The following RPS6KA2 variants were observed in gnomAD, a reference collection of about 807,000 sequenced individuals.
The protein encoded by RPS6KA2 is ribosomal protein S6 kinase alpha-2.
In RPS6KA2, 42 loss-of-function variants were observed where a neutral mutation model predicts 91.8. The observed-to-expected ratio is 0.46, with a 90% CI of 0.36 to 0.59. The LOEUF is 0.59. Ranked by LOEUF, RPS6KA2 falls within the 20% of genes least tolerant of loss-of-function variation. RPS6KA2 has a pLI of 0.00. For missense variants in RPS6KA2, 798 were observed against 978.5 expected (o/e 0.82, Z 2.46); for synonymous variants, 414 against 393.6 (o/e 1.05, Z -0.61).
chr6:166,507,278 C>A (rs1562542408), intron 5 of RPS6KA2, among the ~76,000 whole-genome samples: 2 of 152,086 alleles, frequency 1.3e-5, no homozygotes, highest in South Asian at 4.1e-4. Flanking sequence ...CCCAGAGCTG[C>A]AGGGGCGCTG....
chr6:166,419,808 G>T lies in RPS6KA2; in HGVS notation c.1820+74C>A. 1 of 1,368,896 alleles carries T rather than the reference G, an allele frequency of 7.3e-7. No individual in the cohort carries two copies. Among genetic ancestry groups the T allele is most frequent in the South Asian group, 1.2e-5 (1 of 85,556 alleles). 84.8% of individuals were successfully genotyped at this position (1,368,896 alleles called of 1,614,324 possible). On this transcript the variant is annotated intron_variant, in intron 18 of 20. Transcript: ENST00000265678. The surrounding 1 kb of genome is among the most constrained non-coding windows in gnomAD (Gnocchi z 5.6). The stretch of plus-strand genomic sequence containing the variant: ...GCACACTAGGACAGGGCTGGCCCTG[G>T]TCCCCTGACAGATCAGCCACTGAGG...
chr6:166,755,447 G>A (rs1401497475), intron 2 of RPS6KA2, among the ~76,000 whole-genome samples: 1 of 152,154 alleles, frequency 6.6e-6, no homozygotes, highest in East Asian at 1.9e-4. Context: ...AGAAAGAGAT[G>A]TGTTTACCTA....
intron 2 of RPS6KA2, among the ~76,000 whole-genome samples, chr6:166,742,519 G>T (rs1160124313): frequency 6.6e-6 from 1 of 152,132 alleles, no homozygotes; most frequent in Non-Finnish European, 1.5e-5. Flanking sequence ...TTTCCCTTCT[G>T]CCTCCTCCTG....
At chr6:166,588,511 G>A (rs1056969209) in intron 1 of RPS6KA2, among the ~76,000 whole-genome samples, 7 of 152,136 alleles carry the variant, frequency 4.6e-5, no homozygotes, top group Non-Finnish European at 7.3e-5. Flanking sequence ...GGGACCCTGC[G>A]CTGGGAACTT....
At chr6:166,470,027 G>C (rs1321639100) in intron 10 of RPS6KA2, 122 bp from the exon 11 acceptor site, 1 of 862,114 alleles carries the variant, frequency 1.2e-6, no homozygotes, top group Non-Finnish European at 1.9e-6. Context: ...GGAGCCCAGA[G>C]GCTGCTCACT....
chr6:166,593,105 G>A (rs951141904), intron 1 of RPS6KA2, among the ~76,000 whole-genome samples: 10 of 152,174 alleles, frequency 6.6e-5, no homozygotes, highest in South Asian at 2.1e-4. Context: ...GAAGCTTTCC[G>A]ATGCAGTGTG....
chr6:166,689,581 G>A (rs7745160), intron 2 of RPS6KA2, among the ~76,000 whole-genome samples: 3,326 of 152,282 alleles, frequency 0.022, 122 homozygotes, highest in African/African-American at 0.074. Context: ...GTAGGTGTTG[G>A]GCTCTGCTGG....
chr6:166,514,340 C>T (rs1782567329), intron 3 of RPS6KA2, among the ~76,000 whole-genome samples: 1 of 152,214 alleles, frequency 6.6e-6, no homozygotes, highest in Non-Finnish European at 1.5e-5. Flanking sequence ...AAGGGGCCAC[C>T]AGAGGGTGAC....
chr6:166,587,329 C>G (rs909633975), intron 1 of RPS6KA2, among the ~76,000 whole-genome samples: 1 of 152,162 alleles, frequency 6.6e-6, no homozygotes, highest in African/African-American at 2.4e-5. Context: ...TTCGTATCTG[C>G]TTTTCATAAG....
chr6:166,736,320 C>G lies in RPS6KA2; in HGVS notation c.123+121880G>C, dbSNP rs149162087. 2.6e-3 allele frequency among the ~76,000 whole-genome samples: 389 copies of G among 152,304 alleles called. 3 individuals are homozygous for G. Among genetic ancestry groups the G allele is most frequent in the African/African-American group, 9.0e-3 (375 of 41,562 alleles). On this transcript the variant is annotated intron_variant, in intron 2 of 21. Coordinates refer to the RPS6KA2 transcript ENST00000503859. ...GCAGTGATCTCCACTGAGATTTTCTCAAGAGTCCCGTGGCATCATTCTGTA... is the reference window on the plus strand; with the variant it reads ...GCAGTGATCTCCACTGAGATTTTCTGAAGAGTCCCGTGGCATCATTCTGTA...
chr6:166,416,975 C>T (rs1053478363), intron 19 of RPS6KA2, among the ~76,000 whole-genome samples: 3 of 152,248 alleles, frequency 2.0e-5, no homozygotes, highest in Non-Finnish European at 2.9e-5. Context: ...GAATTGGAAT[C>T]AGAGCCCCTG....
Position 166,772,057 on chromosome 6 carries a change from CAAG to C in RPS6KA2, c.123+86140_123+86142del, listed in dbSNP as rs370646307. Among the ~76,000 whole-genome samples, 777 of 152,296 alleles carry C rather than the reference CAAG, an allele frequency of 5.1e-3. 8 individuals are homozygous for C. Among genetic ancestry groups the C allele is most frequent in the African/African-American group, 0.018 (741 of 41,536 alleles). The stretch of plus-strand genomic sequence containing the variant: ...CAACTGGACGGTAATTAATAACTGG[CAAG>C]AATACAGTTGCTAATGCTGACTTTA... On this transcript the variant is annotated intron_variant, in intron 2 of 21. Transcript: ENST00000503859.
At chr6:166,707,587 G>A (rs1789718299) in intron 2 of RPS6KA2, among the ~76,000 whole-genome samples, 1 of 152,110 alleles carries the variant, frequency 6.6e-6, no homozygotes, top group African/African-American at 2.4e-5. Flanking sequence ...CAGAATCAAG[G>A]CCCAGGGTCA....
intron 15 of RPS6KA2, 33 bp from the exon 16 acceptor site, chr6:166,430,644 A>C (rs771715112): frequency 1.9e-6 from 3 of 1,587,008 alleles, no homozygotes; most frequent in South Asian, 2.3e-5. Context: ...ACACGTCACC[A>C]CGGCTGGTTG....
chr6:166,455,301 G>A (rs1331364322), intron 12 of RPS6KA2, among the ~76,000 whole-genome samples: 1 of 152,156 alleles, frequency 6.6e-6, no homozygotes, highest in Non-Finnish European at 1.5e-5. Context: ...CCGAAGCCCA[G>A]GAGCCGGGCC....
At chr6:166,623,381 A>C (rs1237318146) in intron 1 of RPS6KA2, among the ~76,000 whole-genome samples, 3 of 152,224 alleles carry the variant, frequency 2.0e-5, no homozygotes, top group Non-Finnish European at 4.4e-5. Flanking sequence ...AGTGGGGAGA[A>C]GATTCCTTTC....
At chr6:166,627,893 C>T (rs1786955286), upstream of RPS6KA2, 1 of 152,254 alleles carries the variant, frequency 6.6e-6, no homozygotes, top group Admixed American at 6.5e-5. Context: ...AGCGAGGGAC[C>T]GCCGCCTGCC....
At chr6:166,486,525 C>T (rs779153857) in intron 10 of RPS6KA2, among the ~76,000 whole-genome samples, 1 of 152,248 alleles carries the variant, frequency 6.6e-6, no homozygotes, top group Non-Finnish European at 1.5e-5. Context: ...GTTCCCCAGC[C>T]TCTCAGACCC....
intron 2 of RPS6KA2, among the ~76,000 whole-genome samples, chr6:166,847,542 G>T (rs1191787470): frequency 3.9e-5 from 6 of 152,030 alleles, no homozygotes; most frequent in Admixed American, 3.9e-4. Context: ...AAACAGCATG[G>T]TACTTGAATA....
Sources: gnomAD v4.1 joint callset for allele counts (sites outside exome capture counted in the v4.1 genomes callset) on GRCh38, gnomAD v4.1.1 for gene constraint, Gnocchi (gnomAD v3.1) non-coding constraint, MANE v1.5 for transcripts, NCBI Gene and HGNC (gene_info 2026-07-23, HGNC 2026-07-21) for gene names.